Variants in ELFN2 observed in about 807,000 individuals in gnomAD.
The protein encoded by ELFN2 is protein phosphatase 1 regulatory subunit 29.
A neutral mutation model predicts 45.5 loss-of-function variants in ELFN2; 17 were observed. The observed-to-expected ratio is 0.37, with a 90% confidence interval of 0.26 to 0.56. ELFN2 has a LOEUF of 0.56. Ranked by LOEUF, ELFN2 falls within the 20% of genes least tolerant of loss-of-function variation. ELFN2 has a pLI of 0.77. For missense variants in ELFN2, 922 were observed against 1,183.2 expected, an observed-to-expected ratio of 0.78 and a Z score of 3.24; for synonymous variants, 550 against 551.5, an observed-to-expected ratio of 1.00 and a Z score of 0.04.
intron 2 of ELFN2, among the ~76,000 whole-genome samples, chr22:37,405,795 C>A (rs1932484041): frequency 6.7e-6 from 1 of 149,588 alleles, no homozygotes; most frequent in Non-Finnish European, 1.5e-5. Context: ...CATCTCACTT[C>A]TCTGAGCCCC....
chr22:37,366,043 G>A (rs887439063), downstream of ELFN2, among the ~76,000 whole-genome samples: 33 of 152,204 alleles, frequency 2.2e-4, no homozygotes, highest in Non-Finnish European at 3.8e-4. Context: ...GCAAGCACCG[G>A]TGAAAATGTG....
At chr22:37,426,631 G>A (rs1463375552) in intron 1 of ELFN2, among the ~76,000 whole-genome samples, 2 of 123,126 alleles carry the variant, frequency 1.6e-5, no homozygotes, top group Non-Finnish European at 1.8e-5. Flanking sequence ...ACACTGGCAC[G>A]CGCTCGCACA....
intron 2 of ELFN2, among the ~76,000 whole-genome samples, chr22:37,342,193 G>C (rs1043362114): frequency 3.9e-5 from 6 of 152,218 alleles, no homozygotes; most frequent in African/African-American, 1.4e-4. Flanking sequence ...GCACGGAGAA[G>C]CGGAGTGAAG....
chr22:37,397,570 A>G (rs1343912413), intron 2 of ELFN2, among the ~76,000 whole-genome samples: 1 of 152,180 alleles, frequency 6.6e-6, no homozygotes, highest in African/African-American at 2.4e-5. Context: ...ACGTGGACAG[A>G]GCCCCTGCTG....
intron 2 of ELFN2, among the ~76,000 whole-genome samples, chr22:37,384,260 G>A (rs550894693): frequency 2.0e-5 from 3 of 152,092 alleles, no homozygotes; most frequent in South Asian, 2.1e-4. Flanking sequence ...CACATGGCCC[G>A]TGAGCAGGGC....
intron 2 of ELFN2, among the ~76,000 whole-genome samples, chr22:37,390,388 G>A (rs1932060113): frequency 6.6e-6 from 1 of 152,210 alleles, no homozygotes; most frequent in Non-Finnish European, 1.5e-5. Context: ...CAAGCCAGAG[G>A]GAAGCAAGGA....
At chr22:37,383,758 G>A (rs1931855383) in intron 2 of ELFN2, among the ~76,000 whole-genome samples, 1 of 152,210 alleles carries the variant, frequency 6.6e-6, no homozygotes. Context: ...TCACTAAGCT[G>A]CCTTCTTACT....
At chr22:37,422,946 G>C (rs138304031) in intron 1 of ELFN2, among the ~76,000 whole-genome samples, 4,130 of 128,432 alleles carry the variant, frequency 0.032, 240 homozygotes, top group South Asian at 0.22. Context: ...TGGGCCTCGG[G>C]GGGGGGGGGG....
chr22:37,382,694 C>T (rs1032106040), intron 2 of ELFN2, among the ~76,000 whole-genome samples: 5 of 151,468 alleles, frequency 3.3e-5, no homozygotes, highest in Admixed American at 6.6e-5. Context: ...GGACCATAGG[C>T]GCATGCCACG....
At chr22:37,395,613 C>A (rs74454442) in intron 2 of ELFN2, among the ~76,000 whole-genome samples, 1 of 152,180 alleles carries the variant, frequency 6.6e-6, no homozygotes, top group African/African-American at 2.4e-5. Context: ...CAGCCAGGAG[C>A]TGAGCAAAGT....
intron 1 of ELFN2, among the ~76,000 whole-genome samples, chr22:37,424,311 G>A (rs1932832046): frequency 6.6e-6 from 1 of 152,204 alleles, no homozygotes. Context: ...TGCAGATGCG[G>A]CAGGGGTGTC....
At chr22:37,381,955 CAAAAAAAAAAAAAAAAAAAAAAA>C (rs1159476533) in intron 2 of ELFN2, among the ~76,000 whole-genome samples, 1,217 of 59,284 alleles carry the variant, frequency 0.021, 48 homozygotes, top group Middle Eastern at 0.097. Flanking sequence ...GACTCCGTCT[CAAAAAAAAAAAAAAAAAAAAAAA>C]AAAAAAAAAA....
chr22:37,416,916 T>C (rs570725290), intron 2 of ELFN2, among the ~76,000 whole-genome samples: 52 of 152,184 alleles, frequency 3.4e-4, no homozygotes, highest in Admixed American at 2.2e-3. Context: ...CCACCGCACC[T>C]TGGAGATAGC....
At chr22:37,401,181 A>T (rs1456862478) in intron 2 of ELFN2, among the ~76,000 whole-genome samples, 2 of 152,208 alleles carry the variant, frequency 1.3e-5, no homozygotes, top group Non-Finnish European at 2.9e-5. Context: ...CCTATTGGAG[A>T]CAAAGGGTCT....
At chr22:37,352,820 G>A (rs1017616989) in intron 1 of ELFN2, among the ~76,000 whole-genome samples, 2 of 150,884 alleles carry the variant, frequency 1.3e-5, no homozygotes, top group Non-Finnish European at 3.0e-5. Context: ...GCAAGAAGTA[G>A]CCACTGGAGG....
chr22:37,361,648 C>T (rs1326866013), intron 1 of ELFN2, among the ~76,000 whole-genome samples: 1 of 152,140 alleles, frequency 6.6e-6, no homozygotes, highest in African/African-American at 2.4e-5. Flanking sequence ...TAACTCAGAG[C>T]CCAGGCCTAT....
intron 2 of ELFN2, among the ~76,000 whole-genome samples, chr22:37,397,040 C>G (rs7285356): frequency 0.23 from 35,639 of 152,092 alleles, 4,434 homozygotes; most frequent in South Asian, 0.42. Flanking sequence ...AGGGCTAGAG[C>G]CTAAGCTCCT....
intron 2 of ELFN2, among the ~76,000 whole-genome samples, chr22:37,341,232 C>T (rs1185912475): frequency 6.6e-6 from 1 of 152,148 alleles, no homozygotes; most frequent in Non-Finnish European, 1.5e-5. Flanking sequence ...GCCTCTGAGG[C>T]TCGCATGGCA....
chr22:37,425,115 A>G (rs1225791922), intron 1 of ELFN2, among the ~76,000 whole-genome samples: 1 of 152,026 alleles, frequency 6.6e-6, no homozygotes, highest in East Asian at 1.9e-4. Context: ...CTCCCTGGCT[A>G]TGGCCATTTT....
Sources: allele counts gnomAD v4.1 joint callset (sites outside exome capture counted in the v4.1 genomes callset), GRCh38; gene constraint gnomAD v4.1.1; transcripts MANE v1.5; gene names NCBI Gene and HGNC (gene_info 2026-07-23, HGNC 2026-07-21).